PDE6G: variants seen among roughly 807,000 people sequenced by gnomAD.
PDE6G encodes the protein phosphodiesterase 6G.
PDE6G carries 10 observed loss-of-function variants against 10.9 expected under a neutral mutation model. The observed-to-expected ratio is 0.91, with a 90% CI of 0.56 to 1.55. The LOEUF is 1.55. Ranked by LOEUF, PDE6G falls within the 40% of genes most tolerant of loss-of-function variation. The pLI is 0.00. For synonymous variants in PDE6G, 41 were observed against 42.8 expected, an observed-to-expected ratio of 0.96 and a Z score of 0.16; for missense variants, 102 against 110.1, an observed-to-expected ratio of 0.93 and a Z score of 0.33.
intron 1 of PDE6G, among the ~76,000 whole-genome samples, chr17:81,655,347 G>A (rs906248526): frequency 6.6e-5 from 10 of 152,264 alleles, no homozygotes; most frequent in South Asian, 2.1e-4. Context: ...GCTTGGGGAC[G>A]GAGGGTGCCG....
Position 81,651,594 on chromosome 17 carries a change from T to A in PDE6G, c.187+51A>T. On this transcript the variant is annotated intron_variant, in intron 3 of 3. Coordinates refer to ENST00000331056, the MANE Select transcript of PDE6G (RefSeq NM_002602.4). This position sits in a 1 kb window ranked among gnomAD's most constrained non-coding sequence, Gnocchi z 4.8. ...CAATGGGCCCCGGGCGTGCTGGGTG[T>A]GCCTGGGGGGACCTGGGCAGACCTC... 1 of 1,581,134 alleles carries A rather than the reference T, an allele frequency of 6.3e-7. No homozygotes were observed. The highest frequency in any genetic ancestry group is 8.7e-7 in the Non-Finnish European group (1 of 1,150,148).
upstream of PDE6G, among the ~76,000 whole-genome samples, chr17:81,659,367 G>A (rs1288648592): frequency 6.6e-6 from 1 of 151,956 alleles, no homozygotes; most frequent in Non-Finnish European, 1.5e-5. Flanking sequence ...TGGAGGACGA[G>A]GTGGCTGGAC....
chr17:81,651,496 T>G lies in PDE6G; in HGVS notation c.187+149A>C, dbSNP rs2036353912. The G allele has an allele frequency of 1.4e-6, 1 of 720,372 alleles. No homozygotes were observed. The highest frequency in any genetic ancestry group is 2.5e-6 in the Non-Finnish European group (1 of 406,790). 44.6% of individuals were successfully genotyped at this position (720,372 alleles called of 1,614,324 possible). A position where few individuals can be genotyped will look rare whatever the true frequency, so the allele number is the denominator to read the frequency against. On this transcript the variant is annotated intron_variant, in intron 3 of 3. Transcript: ENST00000331056. This position sits in a 1 kb window ranked among gnomAD's most constrained non-coding sequence, Gnocchi z 4.8. The stretch of plus-strand genomic sequence containing the variant: ...ATCCAGTGGATCTGGAGCTCAGTGT[T>G]GGGGGAAGAAGTGATGGACAGGCTG...
chr17:81,658,875 AT>A (rs1351334175), upstream of PDE6G, among the ~76,000 whole-genome samples: 1 of 152,110 alleles, frequency 6.6e-6, no homozygotes, highest in Non-Finnish European at 1.5e-5. Flanking sequence ...GTAAAATAAA[AT>A]AAAATGTATG....
chr17:81,659,324 T>C (rs1231468137), upstream of PDE6G, among the ~76,000 whole-genome samples: 1 of 151,738 alleles, frequency 6.6e-6, no homozygotes, highest in Admixed American at 6.6e-5. Flanking sequence ...AATAGTAAAA[T>C]AGGCCAGGCA....
chr17:81,655,034 G>A (rs1378640604), intron 1 of PDE6G, among the ~76,000 whole-genome samples: 1 of 152,166 alleles, frequency 6.6e-6, no homozygotes, highest in Non-Finnish European at 1.5e-5. Context: ...TGGGATTACA[G>A]GCGTGAGCCA....
chr17:81,655,398 C>T (rs546500429), intron 1 of PDE6G, among the ~76,000 whole-genome samples: 6 of 152,368 alleles, frequency 3.9e-5, no homozygotes, highest in African/African-American at 1.2e-4. Flanking sequence ...CAGGCCCTCT[C>T]TGTGTCTGGA....
At chr17:81,654,778 C>T (rs540865211) in intron 1 of PDE6G, among the ~76,000 whole-genome samples, 5 of 148,040 alleles carry the variant, frequency 3.4e-5, no homozygotes, top group Middle Eastern at 3.7e-3. Flanking sequence ...GACGGAGTCT[C>T]GCTCTGTTGC....
At position 81,651,163 on chromosome 17, in the gene PDE6G, C is replaced by T. The variant is rs780383572; in HGVS notation, c.188-13G>A. Reference sequence around the variant, plus strand: ...ATGACTGTGATGTCTGTGGGAGAAACGGGCCACGGATCAGAGAGGATCCCA... The same window carrying T: ...ATGACTGTGATGTCTGTGGGAGAAATGGGCCACGGATCAGAGAGGATCCCA... On this transcript the variant is annotated splice_polypyrimidine_tract_variant and intron_variant, in intron 3 of 3. Transcript: ENST00000331056. The surrounding 1 kb of genome is among the most constrained non-coding windows in gnomAD (Gnocchi z 4.8). The T allele has an allele frequency of 1.1e-5, 18 of 1,604,884 alleles. No individual in the cohort carries two copies. Among genetic ancestry groups the T allele is most frequent in the East Asian group, 4.5e-5 (2 of 44,854 alleles).
In PDE6G at chr17:81,653,077, G is replaced by C; in HGVS notation, c.146+83C>G. 5 of 1,502,060 alleles carry C rather than the reference G, an allele frequency of 3.3e-6. No individual in the cohort carries two copies. The highest frequency in any genetic ancestry group is 2.8e-6 in the Non-Finnish European group (3 of 1,083,250). 93.0% of individuals were successfully genotyped at this position (1,502,060 alleles called of 1,614,324 possible). The stretch of plus-strand genomic sequence containing the variant: ...CCACTCACCCAGTGAAGTGGCCCCA[G>C]GCTCTGCCCCGCCCTCCCCTTCCTG... On this transcript the variant is annotated intron_variant, in intron 2 of 3. Transcript: ENST00000331056. This position sits in a 1 kb window ranked among gnomAD's most constrained non-coding sequence, Gnocchi z 5.2.
chr17:81,654,770 CGG>C (rs2036421433), intron 1 of PDE6G, among the ~76,000 whole-genome samples: 1 of 147,334 alleles, frequency 6.8e-6, no homozygotes, highest in Non-Finnish European at 1.5e-5. Context: ...TTTTTTTAGA[CGG>C]AGTCTCGCTC....
In PDE6G at chr17:81,650,813, T is replaced by C; in HGVS notation, c.*261A>G. 1.7e-6 allele frequency: 1 copy of C among 571,518 alleles called. No individual in the cohort carries two copies. Among genetic ancestry groups the C allele is most frequent in the South Asian group, 1.5e-5 (1 of 65,458 alleles). 35.4% of individuals were successfully genotyped at this position (571,518 alleles called of 1,614,324 possible). On this transcript the variant is annotated 3_prime_UTR_variant, in exon 4 of 4. Transcript: ENST00000331056. ...GGAGTGGAGACCGACCAAGCCTCTC[T>C]GTGGGCAGGACTGAGGGGTGGGCCT...
intron 1 of PDE6G, among the ~76,000 whole-genome samples, chr17:81,662,427 T>C (rs980129474): frequency 1.3e-5 from 2 of 152,108 alleles, no homozygotes; most frequent in African/African-American, 4.8e-5. Flanking sequence ...GTTGGAGACC[T>C]GCCTGACCAA....
intron 1 of PDE6G, among the ~76,000 whole-genome samples, chr17:81,654,541 A>G (rs555380377): frequency 1.3e-5 from 2 of 151,388 alleles, no homozygotes; most frequent in South Asian, 4.2e-4. Flanking sequence ...CACCACACCC[A>G]GCTAATTTTT....
At chr17:81,661,846 G>A (rs1335983281) in intron 1 of PDE6G, among the ~76,000 whole-genome samples, 74 of 128,938 alleles carry the variant, frequency 5.7e-4, no homozygotes, top group African/African-American at 2.2e-3. Flanking sequence ...GCGACAGAGT[G>A]AGACTCTGTC....
At chr17:81,661,002 T>A (rs72858812), upstream of PDE6G, among the ~76,000 whole-genome samples, 13,319 of 152,262 alleles carry the variant, frequency 0.087, 837 homozygotes, top group East Asian at 0.22. Flanking sequence ...TACTTCCGTC[T>A]TGACTTCCTG....
chr17:81,653,450 G>A lies in PDE6G; in HGVS notation c.-59-86C>T. The stretch of plus-strand genomic sequence containing the variant: ...CTCAACCCACCGGTGGAGGGGCTGA[G>A]ACCCAGCCCCGCCAGCTCCAGCGTC... On this transcript the variant is annotated intron_variant, in intron 1 of 3. Coordinates refer to ENST00000331056, the MANE Select transcript of PDE6G (RefSeq NM_002602.4). This position sits in a 1 kb window ranked among gnomAD's most constrained non-coding sequence, Gnocchi z 5.2. 1 of 886,394 alleles carries A rather than the reference G, an allele frequency of 1.1e-6. No individual in the cohort carries two copies. Among genetic ancestry groups the A allele is most frequent in the Admixed American group, 2.4e-5 (1 of 41,950 alleles). 54.9% of individuals were successfully genotyped at this position (886,394 alleles called of 1,614,324 possible). A position where few individuals can be genotyped will look rare whatever the true frequency, so the allele number is the denominator to read the frequency against.
chr17:81,653,178 G>A lies in PDE6G; in HGVS notation c.128C>T (p.Pro43Leu). Residue 43 changes from proline to leucine, a missense_variant, in exon 2 of 4, where the codon CCA (proline) becomes CTA (leucine). Transcript: ENST00000331056. This position sits in a 1 kb window ranked among gnomAD's most constrained non-coding sequence, Gnocchi z 5.2. ...TGCTTACCCTTGAACGCCTTTCTTT[G>A]GGGGCTTGCTCTTGAACTGCCTGGT... ...RQTRQFKSKP[P>L]KKGVQGFGDD... 6.2e-7 allele frequency: 1 copy of A among 1,614,018 alleles called. No individual in the cohort carries two copies. Among genetic ancestry groups the A allele is most frequent in the South Asian group, 1.1e-5 (1 of 91,080 alleles).
upstream of PDE6G, among the ~76,000 whole-genome samples, chr17:81,660,206 G>A (rs2036497183): frequency 1.3e-5 from 2 of 152,186 alleles, no homozygotes; most frequent in African/African-American, 4.8e-5. Context: ...GAGGCCAGGT[G>A]TTCGACACCA....
Sources: gnomAD v4.1 joint callset for allele counts (sites outside exome capture counted in the v4.1 genomes callset) on GRCh38, gnomAD v4.1.1 for gene constraint, Gnocchi (gnomAD v3.1) non-coding constraint, MANE v1.5 for transcripts, NCBI Gene and HGNC (gene_info 2026-07-23, HGNC 2026-07-21) for gene names.